HTR3B: variants seen among roughly 807,000 people sequenced by gnomAD.
HTR3B encodes the protein 5-hydroxytryptamine (serotonin) receptor 3B, ionotropic.
In HTR3B, 44 loss-of-function variants were observed where a neutral mutation model predicts 42.8. The ratio of observed to expected loss-of-function variants is 1.03; its 90% CI spans 0.81 to 1.32. HTR3B has a LOEUF of 1.32. Ranked by LOEUF, HTR3B falls within the 40% of genes most tolerant of loss-of-function variation. The pLI, the probability that HTR3B is intolerant of heterozygous loss-of-function variation, is 0.00. For missense variants in HTR3B, 527 were observed against 536.5 expected, an observed-to-expected ratio of 0.98 and a Z score of 0.17; for synonymous variants, 203 against 209.0, an observed-to-expected ratio of 0.97 and a Z score of 0.25.
intron 2 of HTR3B, among the ~76,000 whole-genome samples, chr11:113,918,110 C>T (rs1949874793): frequency 6.6e-6 from 1 of 152,016 alleles, no homozygotes; most frequent in Admixed American, 6.6e-5. Flanking sequence ...TAGGTACATG[C>T]TGAAAAGAAA....
At chr11:113,942,891 T>A (rs1176761) in intron 6 of HTR3B, 91 bp from the exon 7 acceptor site, 47,291 of 1,030,146 alleles carry the variant, frequency 0.046, 2,048 homozygotes, top group African/African-American at 0.19. Flanking sequence ...AAACGTTGGG[T>A]CTTCGGGGAG....
intron 1 of HTR3B, 64 bp downstream of exon 1, chr11:113,905,049 T>G (rs556517539): frequency 1.7e-6 from 2 of 1,145,492 alleles, no homozygotes; most frequent in Non-Finnish European, 2.6e-6. Context: ...GAGACAATAT[T>G]TGTATACACC....
At chr11:113,910,122 A>G (rs571108078) in intron 2 of HTR3B, among the ~76,000 whole-genome samples, 1 of 152,252 alleles carries the variant, frequency 6.6e-6, no homozygotes, top group Admixed American at 6.5e-5. Context: ...AGATTTAAGA[A>G]GAGATTCACT....
At chr11:113,921,771 G>T (rs982300972) in intron 2 of HTR3B, among the ~76,000 whole-genome samples, 7 of 152,136 alleles carry the variant, frequency 4.6e-5, no homozygotes, top group African/African-American at 1.7e-4. Flanking sequence ...CCTGACAAAA[G>T]AAAGTAAAAT....
intron 6 of HTR3B, among the ~76,000 whole-genome samples, chr11:113,934,734 G>T (rs45506803): frequency 1.4e-5 from 2 of 147,688 alleles, no homozygotes; most frequent in African/African-American, 5.0e-5. Context: ...TTTCTTGTAA[G>T]GAAAAGGGAA....
Position 113,932,327 on chromosome 11 carries a change from A to T in HTR3B, c.407A>T (p.Tyr136Phe). The T allele has an allele frequency of 6.2e-7, 1 of 1,613,532 alleles. No homozygotes were observed. The highest frequency in any genetic ancestry group is 2.2e-5 in the East Asian group (1 of 44,870). Residue 136 changes from tyrosine to phenylalanine, a missense_variant, in exon 5 of 9, where the codon TAT becomes TTT. Tyr to Phe is a conservative substitution (Grantham distance 22). Coordinates refer to ENST00000260191, the MANE Select transcript of HTR3B (RefSeq NM_006028.5). Reference protein sequence around the residue: ...IERYPDLPYVYVNSSGTIENY... With the variant: ...IERYPDLPYVFVNSSGTIENY... ...AGATACCCTGACCTTCCCTATGTTT[A>T]TGTGAACTCATCTGGGACCATTGAG...
intron 2 of HTR3B, among the ~76,000 whole-genome samples, chr11:113,922,744 A>G (rs906674323): frequency 4.0e-5 from 6 of 151,174 alleles, no homozygotes; most frequent in African/African-American, 9.8e-5. Context: ...TTTAGTAGAG[A>G]CGGGGTTTCA....
intron 2 of HTR3B, among the ~76,000 whole-genome samples, chr11:113,929,878 G>A (rs987167458): frequency 5.9e-5 from 9 of 152,010 alleles, no homozygotes; most frequent in African/African-American, 1.4e-4. Context: ...GACTACAGGC[G>A]CCCACGACCA....
rs559805555 is a variant in HTR3B, at chr11:113,948,229, C to T, written c.*2092C>T. 6.6e-6 allele frequency among the ~76,000 whole-genome samples: 1 copy of T among 152,350 alleles called. No homozygotes were observed. Among genetic ancestry groups the T allele is most frequent in the East Asian group, 1.9e-4 (1 of 5,190 alleles). ...CTTTGACGTGCTCAGTTAGGCATCA[C>T]GGTCCTGATGTCACCTTAGCTTGCC... On this transcript the variant is annotated 3_prime_UTR_variant, in exon 9 of 9. Coordinates refer to ENST00000260191, the MANE Select transcript of HTR3B (RefSeq NM_006028.5).
intron 2 of HTR3B, among the ~76,000 whole-genome samples, chr11:113,930,126 T>C (rs916450248): frequency 3.3e-5 from 5 of 152,204 alleles, no homozygotes; most frequent in Admixed American, 6.5e-5. Flanking sequence ...TTAATAGATA[T>C]GTGATTTGCA....
chr11:113,942,962 G>T lies in HTR3B; in HGVS notation c.697-20G>T. ...GTTGGCCTAGATCCTCTTTTCATCAGACCACTTGTTCCCGGCCAGGTGGTG... is the reference window on the plus strand; with the variant it reads ...GTTGGCCTAGATCCTCTTTTCATCATACCACTTGTTCCCGGCCAGGTGGTG... On this transcript the variant is annotated intron_variant, in intron 6 of 8. Transcript: ENST00000260191. 1 of 1,610,796 alleles carries T rather than the reference G, an allele frequency of 6.2e-7. No homozygotes were observed. Among genetic ancestry groups the T allele is most frequent in the South Asian group, 1.1e-5 (1 of 90,822 alleles).
chr11:113,935,654 A>G (rs915120633), intron 6 of HTR3B, among the ~76,000 whole-genome samples: 2 of 152,136 alleles, frequency 1.3e-5, no homozygotes, highest in African/African-American at 4.8e-5. Context: ...TTAGCAACCA[A>G]GGCACCTGGC....
intron 6 of HTR3B, among the ~76,000 whole-genome samples, chr11:113,942,061 T>C (rs1219026786): frequency 3.3e-5 from 5 of 152,054 alleles, no homozygotes; most frequent in South Asian, 2.1e-4. Flanking sequence ...AGGAAGGAGA[T>C]AGATTAGACC....
chr11:113,933,647 G>A (rs1482918391), intron 6 of HTR3B, among the ~76,000 whole-genome samples: 4 of 152,062 alleles, frequency 2.6e-5, no homozygotes, highest in African/African-American at 7.2e-5. Context: ...AAATTATGAT[G>A]GGAACCCACA....
At chr11:113,901,174 G>A (rs1317805451), upstream of HTR3B, among the ~76,000 whole-genome samples, 1 of 152,148 alleles carries the variant, frequency 6.6e-6, no homozygotes, top group Non-Finnish European at 1.5e-5. Context: ...GGGTGTAGTG[G>A]TGCATGCCTA....
intron 2 of HTR3B, among the ~76,000 whole-genome samples, chr11:113,911,926 TA>T (rs1249540549): frequency 1.3e-5 from 2 of 152,212 alleles, no homozygotes; most frequent in African/African-American, 4.8e-5. Context: ...CAGAGACAAA[TA>T]CTCTTCTGAT....
At chr11:113,932,185 G>C (rs1950041857) in intron 4 of HTR3B, 104 bp from the exon 5 acceptor site, 2 of 904,548 alleles carry the variant, frequency 2.2e-6, no homozygotes, top group Admixed American at 4.5e-5. Context: ...TGCAGGGCTA[G>C]GCTGGTCCTG....
the HTR3B span, among the ~76,000 whole-genome samples, chr11:113,899,674 G>C: frequency 6.6e-6 from 1 of 152,146 alleles, no homozygotes; most frequent in Non-Finnish European, 1.5e-5. Context: ...CTTAAAGGAC[G>C]CATAACTCAG....
At chr11:113,924,617 C>T (rs1949950136) in intron 2 of HTR3B, among the ~76,000 whole-genome samples, 1 of 87,292 alleles carries the variant, frequency 1.1e-5, no homozygotes, top group Non-Finnish European at 2.1e-5. Flanking sequence ...AAAGCAAGAC[C>T]TTGTCTCAAA....
Sources: gnomAD v4.1 joint callset for allele counts (sites outside exome capture counted in the v4.1 genomes callset) on GRCh38, gnomAD v4.1.1 for gene constraint, MANE v1.5 for transcripts, NCBI Gene and HGNC (gene_info 2026-07-23, HGNC 2026-07-21) for gene names.